PRUNE2: variants seen among roughly 807,000 people sequenced by gnomAD.
PRUNE2 encodes prune homolog 2 with BCH domain, also known as protein prune homolog 2.
Under a neutral mutation model 252.0 loss-of-function variants are expected in PRUNE2, and 164 were observed. The observed-to-expected ratio is 0.65, with a 90% CI of 0.57 to 0.74. The LOEUF (loss-of-function observed/expected upper bound fraction) is 0.74. Ranked by LOEUF, PRUNE2 falls within the 30% of genes least tolerant of loss-of-function variation. The pLI is 0.00. For missense variants in PRUNE2, 3,495 were observed against 3,711.0 expected (o/e 0.94, Z 1.51); for synonymous variants, 1,292 against 1,350.2 (o/e 0.96, Z 0.94).
At chr9:76,619,957 A>T (rs1292778060) in intron 17 of PRUNE2, among the ~76,000 whole-genome samples, 1 of 152,236 alleles carries the variant, frequency 6.6e-6, no homozygotes, top group African/African-American at 2.4e-5. Context: ...GAGTATGCCC[A>T]GAAAACAAAT....
chr9:76,714,263 G>T (rs1159398427), intron 6 of PRUNE2, among the ~76,000 whole-genome samples: 1 of 148,066 alleles, frequency 6.8e-6, no homozygotes, highest in African/African-American at 2.5e-5. Context: ...AGATTTGCTT[G>T]TTCTATGTGG....
chr9:76,677,298 A>G lies in PRUNE2; in HGVS notation c.8277-21796T>C, dbSNP rs116155732. Reference sequence around the variant, plus strand: ...ATTATTTGCTTAAAAAAAATTCATTATTTTATTTATGTTCTTGTCCTTAAA... The same window carrying G: ...ATTATTTGCTTAAAAAAAATTCATTGTTTTATTTATGTTCTTGTCCTTAAA... On this transcript the variant is annotated intron_variant, in intron 9 of 18. Transcript: ENST00000376718. Among the ~76,000 whole-genome samples the G allele has an allele frequency of 4.1e-3, 631 of 152,240 alleles. 5 individuals carry two copies. Among genetic ancestry groups the G allele is most frequent in the African/African-American group, 0.015 (618 of 41,554 alleles).
intron 6 of PRUNE2, among the ~76,000 whole-genome samples, chr9:76,777,679 C>T (rs1043918265): frequency 2.0e-5 from 3 of 152,072 alleles, no homozygotes; most frequent in Non-Finnish European, 4.4e-5. Context: ...CATATATAAA[C>T]AAGTAGACAT....
At chr9:76,684,493 G>C (rs1202736660) in intron 9 of PRUNE2, among the ~76,000 whole-genome samples, 1 of 152,038 alleles carries the variant, frequency 6.6e-6, no homozygotes, top group African/African-American at 2.4e-5. Context: ...CAATGGTTGG[G>C]GTCTAACAGA....
chr9:76,695,140 A>G (rs959278179), intron 9 of PRUNE2, among the ~76,000 whole-genome samples: 4 of 152,098 alleles, frequency 2.6e-5, no homozygotes, highest in Admixed American at 2.6e-4. Flanking sequence ...GGTTCAAGCA[A>G]TTCTCCTGCC....
chr9:76,731,330 T>A (rs1314992365), intron 6 of PRUNE2, among the ~76,000 whole-genome samples: 19,756 of 137,816 alleles, frequency 0.14, 1,691 homozygotes, highest in East Asian at 0.34. Flanking sequence ...ATATATTTTT[T>A]TTTTTTTTTT....
At chr9:76,678,138 G>A (rs2042934764) in intron 9 of PRUNE2, among the ~76,000 whole-genome samples, 1 of 152,022 alleles carries the variant, frequency 6.6e-6, no homozygotes, top group Non-Finnish European at 1.5e-5. Flanking sequence ...GAGAAGCTGA[G>A]GTCAGGAGTT....
chr9:76,874,024 G>T (rs1349685750), intron 1 of PRUNE2, among the ~76,000 whole-genome samples: 2 of 152,148 alleles, frequency 1.3e-5, no homozygotes, highest in Non-Finnish European at 2.9e-5. Context: ...TGCAGTGCTT[G>T]CTCAGTACAT....
In PRUNE2 at chr9:76,614,536, C is replaced by T. The variant is rs767162583; in HGVS notation, c.*34G>A. On this transcript the variant is annotated 3_prime_UTR_variant, in exon 19 of 19. Transcript: ENST00000376718. ...AGATATGTTTCAACAGAACCATGAA[C>T]CAGAAAAGCATCCTCTTCTTCCAGC... 5 of 1,587,918 alleles carry T rather than the reference C, an allele frequency of 3.1e-6. No homozygotes were observed.
chr9:76,754,964 CAAAAAAAA>C (rs11292120), intron 6 of PRUNE2, among the ~76,000 whole-genome samples: 1 of 67,964 alleles, frequency 1.5e-5, no homozygotes, highest in African/African-American at 4.9e-5. Flanking sequence ...GACTCGGTCT[CAAAAAAAA>C]AAAAAAAAAA....
At chr9:76,802,566 T>C (rs2056635904) in intron 6 of PRUNE2, among the ~76,000 whole-genome samples, 4 of 152,206 alleles carry the variant, frequency 2.6e-5, no homozygotes, top group Non-Finnish European at 4.4e-5. Context: ...ACATGTTTAC[T>C]TGCTTCTTTA....
At position 76,791,242 on chromosome 9, in the gene PRUNE2, T is replaced by C. The variant is rs371647985; in HGVS notation, c.756+32390A>G. Among the ~76,000 whole-genome samples the C allele has an allele frequency of 1.5e-4, 22 of 151,230 alleles. No homozygotes were observed. The South Asian group carries it at 4.7e-3, about 32-fold the overall frequency. On this transcript the variant is annotated intron_variant, in intron 6 of 18. Transcript: ENST00000376718. ...CCAATTATCATTGGTACAATAATAC[T>C]GCACCAATTATCATTGGTACAATAA... is the stretch of plus-strand genomic sequence containing the variant.
chr9:76,713,797 G>A (rs2046926327), intron 6 of PRUNE2, 76 bp from the exon 7 acceptor site: 1 of 998,332 alleles, frequency 1.0e-6, no homozygotes. Flanking sequence ...AATTTGTCCA[G>A]TCTTATGATG....
rs368465313 is a variant in PRUNE2, at chr9:76,864,899, T to C, written c.37-10691A>G. Among the ~76,000 whole-genome samples, 23 of 152,194 alleles carry C rather than the reference T, an allele frequency of 1.5e-4. No homozygotes were observed. In the East Asian group the frequency reaches 2.1e-3, roughly 14 times the overall value. Reference sequence around the variant, plus strand: ...CATGAGCAGCCAGGTCTGGGAACAATTGCCTTAAAGAGGACCCACGATAAG... The same window carrying C: ...CATGAGCAGCCAGGTCTGGGAACAACTGCCTTAAAGAGGACCCACGATAAG... On this transcript the variant is annotated intron_variant, in intron 1 of 18. Coordinates refer to ENST00000376718, the MANE Select transcript of PRUNE2 (RefSeq NM_015225.3).
Position 76,706,472 on chromosome 9 carries a change from C to T in PRUNE2, c.5802G>A (p.Lys1934=). The T allele has an allele frequency of 6.2e-7, 1 of 1,613,966 alleles. No individual in the cohort carries two copies. Among genetic ancestry groups the T allele is most frequent in the Non-Finnish European group, 8.5e-7 (1 of 1,179,892 alleles). Reference sequence around the variant, plus strand: ...ACACAAAGGTTTGCTCTCTTGAGTCCTTTTCTTTAATTTGGTCTAATTTTA... The same window carrying T: ...ACACAAAGGTTTGCTCTCTTGAGTCTTTTTCTTTAATTTGGTCTAATTTTA... ...QLVKLDQIKE[K]DSREQTFVSA... Residue 1934 remains lysine (K), a synonymous_variant, in exon 8 of 19, where the codon AAG becomes AAA. Transcript: ENST00000376718.
Position 76,706,633 on chromosome 9 carries a change from T to G in PRUNE2, c.5641A>C (p.Thr1881Pro). 6.2e-7 allele frequency: 1 copy of G among 1,613,958 alleles called. No homozygotes were observed. Among genetic ancestry groups the G allele is most frequent in the Non-Finnish European group, 8.5e-7 (1 of 1,179,874 alleles). ...TCACTAAAAGGATTAGTATAGTGTG[T>G]TTCCACGGGCTCAATATCACCCTGA... Reference protein sequence around the residue: ...PVQGDIEPVETHYTNPFSDNH... With the variant: ...PVQGDIEPVEPHYTNPFSDNH... The change falls in exon 8 of 19, where the codon ACA (threonine) becomes CCA (proline). Residue 1881 changes from threonine (T) to proline (P), a missense_variant. Physicochemically the swap from Thr to Pro is conservative, Grantham distance 38. Coordinates refer to ENST00000376718, the MANE Select transcript of PRUNE2 (RefSeq NM_015225.3).
chr9:76,852,430 GC>G (rs2060010709), intron 2 of PRUNE2, among the ~76,000 whole-genome samples: 1 of 152,218 alleles, frequency 6.6e-6, no homozygotes, highest in Admixed American at 6.5e-5. Flanking sequence ...CTAGGTTCCA[GC>G]CCCAGTCTCT....
At chr9:76,639,289 C>A (rs998739092) in intron 12 of PRUNE2, among the ~76,000 whole-genome samples, 3 of 152,186 alleles carry the variant, frequency 2.0e-5, no homozygotes, top group Middle Eastern at 3.4e-3. Context: ...GCCAGGAGTT[C>A]GAGACCACCC....
chr9:76,751,257 CACACACACACACACAG>C (rs2050588461), intron 6 of PRUNE2, among the ~76,000 whole-genome samples: 1 of 150,800 alleles, frequency 6.6e-6, no homozygotes, highest in Non-Finnish European at 1.5e-5. Flanking sequence ...CACAGACACA[CACACACACACACACAG>C]ACACACACAC....
Sources: allele counts gnomAD v4.1 joint callset (sites outside exome capture counted in the v4.1 genomes callset), GRCh38; gene constraint gnomAD v4.1.1; transcripts MANE v1.5; gene names NCBI Gene and HGNC (gene_info 2026-07-23, HGNC 2026-07-21).